Variants in PTPRD observed in about 807,000 individuals in gnomAD.
PTPRD encodes receptor-type tyrosine-protein phosphatase delta.
PTPRD carries 34 observed loss-of-function variants against 214.5 expected under a neutral mutation model. That is an observed-to-expected ratio of 0.16 (90% CI 0.12 to 0.21). The LOEUF (loss-of-function observed/expected upper bound fraction) is 0.21, where lower values mean the gene tolerates loss of function less well. Among genes scored for constraint, PTPRD ranks in the 10% least tolerant of loss-of-function variants. The pLI, the probability that PTPRD is intolerant of heterozygous loss-of-function variation, is 1.00. For missense variants in PTPRD, 2,545 were observed against 2,398.7 expected (o/e 1.06, Z -1.27); for synonymous variants, 1,128 against 845.7 (o/e 1.33, Z -5.79).
intron 4 of PTPRD, among the ~76,000 whole-genome samples, chr9:10,011,892 T>C (rs989996255): frequency 2.2e-4 from 34 of 152,066 alleles, no homozygotes; most frequent in African/African-American, 7.7e-4. Context: ...GCAGAGACAG[T>C]GGGGATAAAC....
At chr9:10,595,975 A>G (rs2076542103) in intron 2 of PTPRD, among the ~76,000 whole-genome samples, 1 of 151,862 alleles carries the variant, frequency 6.6e-6, no homozygotes, top group Non-Finnish European at 1.5e-5. Context: ...TTTGTAGTGC[A>G]TTTCTTTAAA....
At chr9:9,063,007 G>A (rs1206756290) in intron 10 of PTPRD, among the ~76,000 whole-genome samples, 1 of 152,110 alleles carries the variant, frequency 6.6e-6, no homozygotes, top group African/African-American at 2.4e-5. Flanking sequence ...GGCTAAACAT[G>A]GTCATTCTTA....
intron 39 of PTPRD, among the ~76,000 whole-genome samples, chr9:8,358,768 T>C (rs2077592847): frequency 6.6e-6 from 1 of 152,092 alleles, no homozygotes; most frequent in African/African-American, 2.4e-5. Flanking sequence ...ATAAATTTTA[T>C]GAAACCAATA....
intron 3 of PTPRD, among the ~76,000 whole-genome samples, chr9:10,101,761 C>G (rs1010261859): frequency 4.0e-5 from 6 of 151,800 alleles, no homozygotes; most frequent in Non-Finnish European, 8.8e-5. Context: ...CTCAACTGTA[C>G]TCAGTAAGAG....
chr9:10,313,838 A>G (rs529826240), intron 3 of PTPRD, among the ~76,000 whole-genome samples: 2 of 151,874 alleles, frequency 1.3e-5, no homozygotes, highest in Non-Finnish European at 2.9e-5. Context: ...ATGCAGAGAG[A>G]GATGTATAAA....
intron 12 of PTPRD, among the ~76,000 whole-genome samples, chr9:8,728,665 C>T (rs530096045): frequency 1.3e-5 from 2 of 152,214 alleles, no homozygotes; most frequent in Non-Finnish European, 2.9e-5. Context: ...CTTTCAACAT[C>T]ATCATTTTCC....
At chr9:8,615,234 ATGGGAGCTG>A (rs145585987) in intron 14 of PTPRD, among the ~76,000 whole-genome samples, 5,258 of 152,138 alleles carry the variant, frequency 0.035, 312 homozygotes, top group African/African-American at 0.12. Context: ...ATTAGCGTTA[ATGGGAGCTG>A]TGGGAGCCCA....
chr9:10,002,088 T>C (rs2096334259), intron 4 of PTPRD, among the ~76,000 whole-genome samples: 1 of 151,738 alleles, frequency 6.6e-6, no homozygotes, highest in African/African-American at 2.4e-5. Flanking sequence ...AATTAAGTTG[T>C]ATTAATCTGA....
chr9:8,670,518 G>C (rs1229080241), intron 12 of PTPRD, among the ~76,000 whole-genome samples: 1 of 152,188 alleles, frequency 6.6e-6, no homozygotes, highest in African/African-American at 2.4e-5. Flanking sequence ...TAAAATATGT[G>C]AGATGACAGA....
chr9:8,500,558 GAAAAAAAAAA>G (rs146807692), intron 24 of PTPRD, among the ~76,000 whole-genome samples, 186 bp downstream of exon 24: 5 of 14,308 alleles, frequency 3.5e-4, no homozygotes, highest in South Asian at 4.1e-3. Context: ...TGAAAAAAAT[GAAAAAAAAAA>G]AAAAAAAAAA....
chr9:9,088,043 G>A (rs2099769938), intron 10 of PTPRD, among the ~76,000 whole-genome samples: 3 of 151,194 alleles, frequency 2.0e-5, no homozygotes, highest in Non-Finnish European at 4.4e-5. Context: ...CACCATGCCT[G>A]GCTGATTTTT....
intron 11 of PTPRD, among the ~76,000 whole-genome samples, chr9:8,867,356 C>G (rs568772265): frequency 2.6e-5 from 4 of 152,248 alleles, no homozygotes; most frequent in East Asian, 3.9e-4. Context: ...CTGCCCTCCC[C>G]CTTGGCAAAG....
At chr9:8,745,258 A>G (rs999194606) in intron 11 of PTPRD, among the ~76,000 whole-genome samples, 3 of 152,242 alleles carry the variant, frequency 2.0e-5, no homozygotes, top group African/African-American at 7.2e-5. Context: ...AGGGCTTAGA[A>G]CCAATTTTCT....
At chr9:9,943,031 G>C (rs1317378230) in intron 4 of PTPRD, among the ~76,000 whole-genome samples, 1 of 151,904 alleles carries the variant, frequency 6.6e-6, no homozygotes, top group Non-Finnish European at 1.5e-5. Flanking sequence ...ACTAACTCGG[G>C]GCAAAAGCTG....
chr9:10,186,239 C>T (rs753771922), intron 3 of PTPRD, among the ~76,000 whole-genome samples: 11 of 152,078 alleles, frequency 7.2e-5, no homozygotes, highest in Non-Finnish European at 8.8e-5. Context: ...TATTCTCCCA[C>T]AGTTGACCTA....
intron 2 of PTPRD, among the ~76,000 whole-genome samples, chr9:10,385,707 T>C (rs2097902249): frequency 6.6e-6 from 1 of 151,876 alleles, no homozygotes; most frequent in Non-Finnish European, 1.5e-5. Flanking sequence ...ACTTATGGCT[T>C]ATCATAAATG....
intron 11 of PTPRD, among the ~76,000 whole-genome samples, chr9:8,936,427 CAAAAAAAAAAAA>C (rs1181403459): frequency 3.2e-5 from 1 of 31,640 alleles, no homozygotes; most frequent in South Asian, 2.0e-3. Context: ...ACCCTGCCTC[CAAAAAAAAAAAA>C]AAAAAAAAAA....
At position 8,485,263 on chromosome 9, in the gene PTPRD, C is replaced by G; in HGVS notation, c.3117G>C (p.Glu1039Asp). The G allele has an allele frequency of 1.2e-6, 2 of 1,614,118 alleles. No individual in the cohort carries two copies. Among genetic ancestry groups the G allele is most frequent in the Non-Finnish European group, 1.7e-6 (2 of 1,179,988 alleles). The change falls in exon 29 of 46, where the codon GAG becomes GAC. Residue 1039 changes from glutamate to aspartate, a missense_variant. Transcript: ENST00000381196. Reference sequence around the variant, plus strand: ...TGGCGGAGTTATAATTCTCTGGAATCTCCCAAGACAGCAACACGGAAGTCT... The same window carrying G: ...TGGCGGAGTTATAATTCTCTGGAATGTCCCAAGACAGCAACACGGAAGTCT... ...VMKTSVLLSW[E>D]IPENYNSAMP...
At chr9:9,777,818 A>T (rs1382247524) in intron 5 of PTPRD, among the ~76,000 whole-genome samples, 2 of 152,220 alleles carry the variant, frequency 1.3e-5, no homozygotes, top group African/African-American at 4.8e-5. Context: ...AAAATGCATA[A>T]ATTGTAAATT....
Sources: gnomAD v4.1 joint callset for allele counts (sites outside exome capture counted in the v4.1 genomes callset) on GRCh38, gnomAD v4.1.1 for gene constraint, MANE v1.5 for transcripts, NCBI Gene and HGNC (gene_info 2026-07-23, HGNC 2026-07-21) for gene names.